The following FAM210A variants were observed in gnomAD, a reference collection of about 807,000 sequenced individuals.
FAM210A encodes family with sequence similarity 210 member A.
In FAM210A, 13 loss-of-function variants were observed where a neutral mutation model predicts 25.3. That is an observed-to-expected ratio of 0.51 (90% CI 0.33 to 0.82). FAM210A has a LOEUF of 0.82. FAM210A is among the 40% of genes least tolerant of loss of function. The pLI, the probability that FAM210A is intolerant of heterozygous loss-of-function variation, is 0.02. For missense variants in FAM210A, 319 were observed against 323.2 expected (o/e 0.99, Z 0.10); for synonymous variants, 125 against 118.7 (o/e 1.05, Z -0.35).
chr18:13,688,411 C>T (rs1191815959), intron 1 of FAM210A, among the ~76,000 whole-genome samples: 1 of 152,154 alleles, frequency 6.6e-6, no homozygotes, highest in Admixed American at 6.5e-5. Context: ...AGCTGGACAT[C>T]AAGAGAGGCA....
chr18:13,709,450 T>G (rs1360795262), intron 1 of FAM210A, among the ~76,000 whole-genome samples: 1 of 152,214 alleles, frequency 6.6e-6, no homozygotes, highest in African/African-American at 2.4e-5. Flanking sequence ...GATACCTACA[T>G]GGCCAACTGC....
intron 1 of FAM210A, among the ~76,000 whole-genome samples, chr18:13,725,936 GTCTGCCA>G (rs2043941520): frequency 1.3e-5 from 2 of 152,228 alleles, no homozygotes; most frequent in African/African-American, 4.8e-5. Flanking sequence ...GTAAGGACCA[GTCTGCCA>G]GTCCCTAATA....
At chr18:13,714,328 C>G (rs1000136170) in intron 1 of FAM210A, among the ~76,000 whole-genome samples, 1 of 151,920 alleles carries the variant, frequency 6.6e-6, no homozygotes, top group Admixed American at 6.6e-5. Context: ...AGGATACCTT[C>G]GAAAGAAAAA....
chr18:13,710,811 C>T (rs1160589336), intron 1 of FAM210A, among the ~76,000 whole-genome samples: 1 of 152,158 alleles, frequency 6.6e-6, no homozygotes, highest in Non-Finnish European at 1.5e-5. Context: ...CTTGAAAAAC[C>T]CTAACCTCTG....
intron 1 of FAM210A, among the ~76,000 whole-genome samples, chr18:13,694,421 C>T (rs1366344928): frequency 3.3e-5 from 5 of 152,140 alleles, no homozygotes; most frequent in Admixed American, 1.3e-4. Context: ...CAATCCTAAG[C>T]CAAAAGAACA....
At chr18:13,669,182 C>T (rs919510397) in intron 3 of FAM210A, among the ~76,000 whole-genome samples, 4 of 152,196 alleles carry the variant, frequency 2.6e-5, no homozygotes, top group African/African-American at 9.7e-5. Context: ...TGCCTCTCAA[C>T]TAAAATACTG....
At chr18:13,714,120 C>T (rs2043842811) in intron 1 of FAM210A, among the ~76,000 whole-genome samples, 1 of 152,126 alleles carries the variant, frequency 6.6e-6, no homozygotes, top group South Asian at 2.1e-4. Context: ...GAACTGTAAC[C>T]CTTTTGGCAC....
chr18:13,725,865 G>A (rs2043940193), intron 1 of FAM210A, among the ~76,000 whole-genome samples: 1 of 152,134 alleles, frequency 6.6e-6, no homozygotes, highest in South Asian at 2.1e-4. Context: ...AGGTATAGGC[G>A]GTCCCTTTTC....
At chr18:13,678,681 T>C (rs2043524899) in intron 2 of FAM210A, among the ~76,000 whole-genome samples, 2 of 152,370 alleles carry the variant, frequency 1.3e-5, no homozygotes, top group Admixed American at 6.5e-5. Flanking sequence ...GAGGGTCTGA[T>C]TCAAACAGAA....
intron 1 of FAM210A, among the ~76,000 whole-genome samples, chr18:13,714,130 C>T (rs1388738129): frequency 1.3e-5 from 2 of 152,120 alleles, no homozygotes; most frequent in Non-Finnish European, 2.9e-5. Context: ...CCTTTTGGCA[C>T]CTAGAACAAA....
intron 2 of FAM210A, among the ~76,000 whole-genome samples, chr18:13,677,554 T>C (rs1424184012): frequency 6.6e-6 from 1 of 152,222 alleles, no homozygotes; most frequent in East Asian, 1.9e-4. Flanking sequence ...ATGTCTGTAA[T>C]TTACAGATAA....
intron 1 of FAM210A, among the ~76,000 whole-genome samples, chr18:13,686,847 A>C (rs772467988): frequency 6.6e-6 from 1 of 152,252 alleles, no homozygotes; most frequent in Non-Finnish European, 1.5e-5. Flanking sequence ...AATTCTACCA[A>C]ACATTTAAGG....
chr18:13,673,561 CTTT>C (rs1487734177), intron 2 of FAM210A, among the ~76,000 whole-genome samples: 57 of 149,644 alleles, frequency 3.8e-4, no homozygotes, highest in African/African-American at 1.2e-3. Flanking sequence ...GCCCCGACTT[CTTT>C]ATTTCCAGTT....
chr18:13,714,307 T>C (rs1367849336), intron 1 of FAM210A, among the ~76,000 whole-genome samples: 3 of 152,198 alleles, frequency 2.0e-5, no homozygotes, highest in African/African-American at 4.8e-5. Context: ...CAGTGGTCAG[T>C]TGAAGGCTGC....
chr18:13,710,364 T>G (rs186188309), intron 1 of FAM210A: 1 of 152,400 alleles, frequency 6.6e-6, no homozygotes, highest in East Asian at 1.9e-4. Context: ...TTGTATTTTT[T>G]GTAGAGACAG....
intron 2 of FAM210A, among the ~76,000 whole-genome samples, 191 bp downstream of exon 2, chr18:13,681,414 A>C (rs1236982915): frequency 6.6e-6 from 1 of 152,250 alleles, no homozygotes; most frequent in Non-Finnish European, 1.5e-5. Flanking sequence ...AAACAGTTAA[A>C]AACTGCACCA....
chr18:13,669,596 T>C (rs781396427), intron 3 of FAM210A, among the ~76,000 whole-genome samples: 3 of 152,304 alleles, frequency 2.0e-5, no homozygotes, highest in South Asian at 2.1e-4. Flanking sequence ...CCTGGTTTCC[T>C]TTCTTAGCAG....
rs369611940 is a variant in FAM210A, at chr18:13,671,977, C to CAAAA, written c.474-8_474-5dup. ...AAAAGGAACGACATTCACTCCTCTA[C>CAAAA]AAAAAAAAAAAAGTAATTTTCATAT... On this transcript the variant is annotated splice_polypyrimidine_tract_variant and splice_region_variant and intron_variant, in intron 2 of 3. Coordinates refer to ENST00000651643, the MANE Select transcript of FAM210A (RefSeq NM_152352.4). 3.2e-6 allele frequency: 4 copies of CAAAA among 1,251,610 alleles called. No homozygotes were observed. Among genetic ancestry groups the CAAAA allele is most frequent in the Non-Finnish European group, 3.3e-6 (3 of 920,506 alleles). The allele number at this position is 1,251,610 out of a possible 1,614,324, so 77.5% of individuals were successfully genotyped here.
chr18:13,711,141 G>A (rs2043818331), intron 1 of FAM210A, among the ~76,000 whole-genome samples: 1 of 152,224 alleles, frequency 6.6e-6, no homozygotes, highest in South Asian at 2.1e-4. Context: ...GGAGGCCAAG[G>A]CAGGCAGATC....
Sources: gnomAD v4.1 joint callset for allele counts (sites outside exome capture counted in the v4.1 genomes callset) on GRCh38, gnomAD v4.1.1 for gene constraint, MANE v1.5 for transcripts, NCBI Gene and HGNC (gene_info 2026-07-23, HGNC 2026-07-21) for gene names.